The following PPP1R13B variants were observed in gnomAD, a reference collection of about 807,000 sequenced individuals.
PPP1R13B encodes apoptosis-stimulating of p53 protein 1.
Under a neutral mutation model 119.8 loss-of-function variants are expected in PPP1R13B, and 44 were observed. The ratio of observed to expected loss-of-function variants is 0.37; its 90% CI spans 0.29 to 0.47. The LOEUF (loss-of-function observed/expected upper bound fraction) is 0.47, where lower values mean the gene tolerates loss of function less well. Ranked by LOEUF, PPP1R13B falls within the 20% of genes least tolerant of loss-of-function variation. The pLI, the probability that PPP1R13B is intolerant of heterozygous loss-of-function variation, is 0.99. For synonymous variants in PPP1R13B, 542 were observed against 561.5 expected (o/e 0.97, Z 0.49); for missense variants, 1,227 against 1,413.5 (o/e 0.87, Z 2.12).
At chr14:103,807,480 C>G (rs1406016929) in intron 1 of PPP1R13B, among the ~76,000 whole-genome samples, 1 of 152,146 alleles carries the variant, frequency 6.6e-6, no homozygotes, top group African/African-American at 2.4e-5. Context: ...TCAATAAACT[C>G]CCCCAATTAT....
chr14:103,846,084 A>C (rs2087024088), intron 1 of PPP1R13B, among the ~76,000 whole-genome samples: 1 of 152,184 alleles, frequency 6.6e-6, no homozygotes, highest in African/African-American at 2.4e-5. Context: ...TTCACCCCAG[A>C]TCTTCTGATG....
chr14:103,748,925 C>T (rs986297891), intron 8 of PPP1R13B, among the ~76,000 whole-genome samples: 3 of 152,206 alleles, frequency 2.0e-5, no homozygotes, highest in African/African-American at 4.8e-5. Flanking sequence ...TAGTGTAATT[C>T]CTGCAATCCC....
chr14:103,768,816 C>T (rs2084997735), intron 4 of PPP1R13B, among the ~76,000 whole-genome samples: 1 of 152,104 alleles, frequency 6.6e-6, no homozygotes. Context: ...CTGATCCACC[C>T]TCCTTGGCCT....
intron 3 of PPP1R13B, among the ~76,000 whole-genome samples, chr14:103,782,694 T>C (rs1350138281): frequency 6.6e-6 from 1 of 152,236 alleles, no homozygotes; most frequent in Non-Finnish European, 1.5e-5. Context: ...CAAGATAGTT[T>C]TCTCTGCATG....
intron 1 of PPP1R13B, among the ~76,000 whole-genome samples, chr14:103,801,464 C>T (rs2085899281): frequency 6.6e-6 from 1 of 152,184 alleles, no homozygotes; most frequent in East Asian, 1.9e-4. Context: ...AGCCGTCCCT[C>T]TGCCCAAGTA....
At chr14:103,807,493 G>A (rs2086045253) in intron 1 of PPP1R13B, among the ~76,000 whole-genome samples, 1 of 152,110 alleles carries the variant, frequency 6.6e-6, no homozygotes, top group African/African-American at 2.4e-5. Context: ...CCAATTATAC[G>A]TAAAATGTCC....
intron 1 of PPP1R13B, among the ~76,000 whole-genome samples, chr14:103,838,907 C>T (rs2086838308): frequency 1.3e-5 from 2 of 152,336 alleles, no homozygotes; most frequent in South Asian, 4.1e-4. Flanking sequence ...AGGGTCTGCA[C>T]TCTTACCTGC....
chr14:103,827,149 C>T (rs182340786), intron 1 of PPP1R13B, among the ~76,000 whole-genome samples: 18 of 145,308 alleles, frequency 1.2e-4, no homozygotes, highest in African/African-American at 4.6e-4. Flanking sequence ...ACGGTGAAAC[C>T]CCATCTCTAT....
intron 1 of PPP1R13B, among the ~76,000 whole-genome samples, chr14:103,816,939 C>G (rs542638267): frequency 6.6e-6 from 1 of 152,120 alleles, no homozygotes; most frequent in Non-Finnish European, 1.5e-5. Context: ...TCTAATAGCA[C>G]CCCATCTTTT....
At chr14:103,751,976 T>C (rs933909514) in intron 7 of PPP1R13B, among the ~76,000 whole-genome samples, 1 of 152,194 alleles carries the variant, frequency 6.6e-6, no homozygotes, top group African/African-American at 2.4e-5. Context: ...CTAATTGAAT[T>C]ATTTTGTGCT....
At chr14:103,746,291 T>TTGGGGGGGGGGGGGGGGGGGGG in intron 9 of PPP1R13B, 82 bp downstream of exon 9, 1 of 272,100 alleles carries the variant, frequency 3.7e-6, no homozygotes, top group Non-Finnish European at 7.5e-6. Context: ...CTCAGGAGCC[T>TTGGGGGGGGGGGGGGGGGGGGG]GCCCCACCCC....
chr14:103,764,104 A>G (rs1696742816), intron 4 of PPP1R13B: 1 of 153,946 alleles, frequency 6.5e-6, no homozygotes, highest in Admixed American at 6.5e-5. Flanking sequence ...GTGCGAGCAG[A>G]TATTTCATTT....
intron 1 of PPP1R13B, among the ~76,000 whole-genome samples, chr14:103,836,411 T>C (rs1461381336): frequency 2.6e-5 from 4 of 152,052 alleles, no homozygotes; most frequent in Admixed American, 6.6e-5. Context: ...AACAGTATCA[T>C]GAAATATAGT....
At chr14:103,807,703 C>T (rs1034494634) in intron 1 of PPP1R13B, among the ~76,000 whole-genome samples, 2 of 151,934 alleles carry the variant, frequency 1.3e-5, no homozygotes, top group Non-Finnish European at 2.9e-5. Flanking sequence ...ACCATGTTAG[C>T]CAGGATGGTC....
intron 1 of PPP1R13B, among the ~76,000 whole-genome samples, chr14:103,846,393 G>A (rs1275092985): frequency 1.3e-5 from 2 of 152,212 alleles, no homozygotes; most frequent in South Asian, 4.1e-4. Context: ...GCACTTTCCT[G>A]TGAAATGTGA....
intron 1 of PPP1R13B, chr14:103,847,035 C>A: frequency 9.2e-7 from 1 of 1,081,196 alleles, no homozygotes; most frequent in African/African-American, 1.7e-5. Flanking sequence ...ATGACCGGCC[C>A]CAAATGCATC....
chr14:103,800,199 T>C (rs928361595), intron 1 of PPP1R13B, among the ~76,000 whole-genome samples: 18 of 152,034 alleles, frequency 1.2e-4, no homozygotes, highest in Admixed American at 7.9e-4. Context: ...CTCATGACAG[T>C]GGTCTCAGCT....
intron 1 of PPP1R13B, among the ~76,000 whole-genome samples, chr14:103,820,160 C>T (rs987561489): frequency 2.6e-5 from 4 of 152,142 alleles, no homozygotes; most frequent in Admixed American, 6.5e-5. Flanking sequence ...GGGAGGGACG[C>T]GTGAGAAGCA....
At chr14:103,737,165 C>CA (rs2084134098) in intron 15 of PPP1R13B, 1 of 152,610 alleles carries the variant, frequency 6.6e-6, no homozygotes. Context: ...ATCCTTCTAA[C>CA]AACATGGACT....
Sources: allele counts gnomAD v4.1 joint callset (sites outside exome capture counted in the v4.1 genomes callset), GRCh38; gene constraint gnomAD v4.1.1; transcripts MANE v1.5; gene names NCBI Gene and HGNC (gene_info 2026-07-23, HGNC 2026-07-21).